Variants in PDE7B observed in about 807,000 individuals in gnomAD.
PDE7B encodes the protein phosphodiesterase 7B.
Under a neutral mutation model 56.2 loss-of-function variants are expected in PDE7B, and 29 were observed. That is an observed-to-expected ratio of 0.52 (90% CI 0.38 to 0.70). PDE7B has a LOEUF of 0.70. PDE7B is among the 30% of genes least tolerant of loss of function. PDE7B has a pLI of 0.00. For synonymous variants in PDE7B, 197 were observed against 196.9 expected, an observed-to-expected ratio of 1.00 and a Z score of 0.00; for missense variants, 490 against 565.0, an observed-to-expected ratio of 0.87 and a Z score of 1.35.
chr6:136,007,056 G>T (rs371635892), intron 2 of PDE7B, among the ~76,000 whole-genome samples: 1 of 152,054 alleles, frequency 6.6e-6, no homozygotes, highest in Non-Finnish European at 1.5e-5. Flanking sequence ...TGTCATAGAT[G>T]GTTCTAATTA....
intron 1 of PDE7B, among the ~76,000 whole-genome samples, chr6:135,906,538 A>G (rs536605742): frequency 6.6e-6 from 1 of 152,296 alleles, no homozygotes; most frequent in South Asian, 2.1e-4. Flanking sequence ...AATCTCACCT[A>G]CCAAGAATAG....
At chr6:136,009,292 G>T (rs1775845922) in intron 2 of PDE7B, among the ~76,000 whole-genome samples, 1 of 151,982 alleles carries the variant, frequency 6.6e-6, no homozygotes, top group Non-Finnish European at 1.5e-5. Context: ...TTGTTCTTTT[G>T]GCTTAGGATT....
rs965393318 is a variant in PDE7B at position 135,947,488 on chromosome 6, A to G, written c.46A>G (p.Asn16Asp). The change falls in exon 2 of 13, where the codon AAC becomes GAC. Residue 16 changes from asparagine (N) to aspartate (D), a missense_variant. By Grantham distance (23) the Asn-to-Asp change is conservative. Transcript: ENST00000308191. ...VERCGEILFE[N>D]PDQNAKCVCM... ...GAGGTGTGGCGAAATCTTGTTTGAGAACCCCGATCAGAATGCCAAATGTGT... is the reference window on the plus strand; with the variant it reads ...GAGGTGTGGCGAAATCTTGTTTGAGGACCCCGATCAGAATGCCAAATGTGT... 1.6e-5 allele frequency: 26 copies of G among 1,612,508 alleles called. No homozygotes were observed. Among genetic ancestry groups the G allele is most frequent in the Non-Finnish European group, 2.1e-5 (25 of 1,178,824 alleles).
chr6:136,154,060 C>G lies in PDE7B; in HGVS notation c.479-15C>G. 1 of 1,578,144 alleles carries G rather than the reference C, an allele frequency of 6.3e-7. No individual in the cohort carries two copies. The highest frequency in any genetic ancestry group is 1.1e-5 in the South Asian group (1 of 90,268). On this transcript the variant is annotated splice_polypyrimidine_tract_variant and intron_variant, in intron 6 of 12. Coordinates refer to ENST00000308191, the MANE Select transcript of PDE7B (RefSeq NM_018945.4). ...TTTGGGTTTTAGTTGATTGAGTTAT[C>G]TGTTTACCTCCCAGTCATGGTTCAA...
intron 2 of PDE7B, among the ~76,000 whole-genome samples, chr6:136,063,553 T>C (rs572687927): frequency 2.0e-5 from 3 of 152,298 alleles, no homozygotes; most frequent in Admixed American, 2.0e-4. Context: ...GATGAACCCA[T>C]CTTAATACAA....
chr6:136,117,562 G>T (rs1321819249), intron 3 of PDE7B, among the ~76,000 whole-genome samples: 1 of 152,154 alleles, frequency 6.6e-6, no homozygotes, highest in African/African-American at 2.4e-5. Context: ...TGGGGCATCT[G>T]GGTCCTTTAT....
intron 1 of PDE7B, among the ~76,000 whole-genome samples, chr6:135,925,351 ACTCT>A (rs1382978381): frequency 6.6e-6 from 1 of 152,152 alleles, no homozygotes; most frequent in South Asian, 2.1e-4. Context: ...GGCATACCTC[ACTCT>A]CTATCTCAGC....
Position 135,871,243 on chromosome 6 carries a change from G to A in PDE7B, c.21+19224G>A, listed in dbSNP as rs567720584. Among the ~76,000 whole-genome samples, 220 of 152,216 alleles carry A rather than the reference G, an allele frequency of 1.4e-3. 1 individual carries two copies. Among genetic ancestry groups the A allele is most frequent in the African/African-American group, 5.0e-3 (209 of 41,540 alleles). On this transcript the variant is annotated intron_variant, in intron 1 of 12. Coordinates refer to ENST00000308191, the MANE Select transcript of PDE7B (RefSeq NM_018945.4). ...TATTTTACTTTACATGAAGAGATGG[G>A]CATCTTCAATTTACAAAGTTGATTA...
intron 12 of PDE7B, among the ~76,000 whole-genome samples, chr6:136,187,686 A>G (rs1259064943): frequency 6.6e-6 from 1 of 152,242 alleles, no homozygotes; most frequent in African/African-American, 2.4e-5. Flanking sequence ...CTGTTGAAGT[A>G]TGATGCCAAT....
At chr6:135,958,966 T>G (rs182802650) in intron 2 of PDE7B, among the ~76,000 whole-genome samples, 1 of 152,290 alleles carries the variant, frequency 6.6e-6, no homozygotes, top group Admixed American at 6.5e-5. Flanking sequence ...GTGTAGAATT[T>G]TTTTGCCTAC....
chr6:135,931,783 C>T (rs1774294779), intron 1 of PDE7B, among the ~76,000 whole-genome samples: 1 of 152,078 alleles, frequency 6.6e-6, no homozygotes, highest in African/African-American at 2.4e-5. Context: ...GTTTAATACC[C>T]TTGGCAATAT....
At chr6:135,889,735 C>T (rs1206020861) in intron 1 of PDE7B, among the ~76,000 whole-genome samples, 1 of 145,976 alleles carries the variant, frequency 6.9e-6, no homozygotes, top group African/African-American at 2.6e-5. Flanking sequence ...GCCACCGCAC[C>T]CAGACGGTGC....
chr6:136,165,935 A>T (rs964783415), intron 8 of PDE7B, among the ~76,000 whole-genome samples: 1 of 152,212 alleles, frequency 6.6e-6, no homozygotes, highest in Non-Finnish European at 1.5e-5. Context: ...ATGAACAAAC[A>T]GGAGTCTCTG....
chr6:136,154,342 A>G (rs1203142153), intron 7 of PDE7B, among the ~76,000 whole-genome samples, 167 bp downstream of exon 7: 1 of 151,316 alleles, frequency 6.6e-6, no homozygotes, highest in Non-Finnish European at 1.5e-5. Flanking sequence ...AAATCTTACA[A>G]TGTTCACGAA....
chr6:135,994,841 A>G (rs1186316894), intron 2 of PDE7B, among the ~76,000 whole-genome samples: 1 of 152,228 alleles, frequency 6.6e-6, no homozygotes, highest in African/African-American at 2.4e-5. Context: ...CTCATTTTAA[A>G]AAATATTACT....
At position 136,025,274 on chromosome 6, in the gene PDE7B, T is replaced by C. The variant is rs576288771; in HGVS notation, c.82+77750T>C. Among the ~76,000 whole-genome samples, 7 of 152,244 alleles carry C rather than the reference T, an allele frequency of 4.6e-5. No homozygotes were observed. The South Asian group carries it at 1.4e-3, about 32-fold the overall frequency. ...AATGAATACCTGCACTCTTATAATA[T>C]CTTAAAAATGCAATACAGAATATAC... On this transcript the variant is annotated intron_variant, in intron 2 of 12. Transcript: ENST00000308191.
intron 1 of PDE7B, among the ~76,000 whole-genome samples, chr6:135,892,377 T>A (rs1775824416): frequency 6.6e-6 from 1 of 152,160 alleles, no homozygotes; most frequent in South Asian, 2.1e-4. Flanking sequence ...TATTAATAAA[T>A]CTTGACTCAC....
Position 135,961,281 on chromosome 6 carries a change from A to ATGTGTGTGTGTGTGTGTG in PDE7B, c.82+13773_82+13790dup, listed in dbSNP as rs771473679. 8.9e-5 allele frequency among the ~76,000 whole-genome samples: 8 copies of ATGTGTGTGTGTGTGTGTG among 89,396 alleles called. No homozygotes were observed. The East Asian group carries it at 1.2e-3, about 13-fold the overall frequency. The allele number at this position is 89,396 out of a possible 152,430, so 58.6% of individuals were successfully genotyped here. On this transcript the variant is annotated intron_variant, in intron 2 of 12. Coordinates refer to ENST00000308191, the MANE Select transcript of PDE7B (RefSeq NM_018945.4). ...TGTGTGTGTGTGTGTGTGTGTGTGT[A>ATGTGTGTGTGTGTGTGTG]TGTGTGTGTGTGTGTGTGTGTGTGT...
chr6:136,173,799 T>C lies in PDE7B; in HGVS notation c.714T>C (p.Asn238=). 1 of 1,596,592 alleles carries C rather than the reference T, an allele frequency of 6.3e-7. No homozygotes were observed. Among genetic ancestry groups the C allele is most frequent in the Non-Finnish European group, 8.6e-7 (1 of 1,164,556 alleles). ...TNHHLANLYQ[N]MSVLENHHWR... Reference sequence around the variant, plus strand: ...ACTCTTATTTTCTTTCTTTCTAGAATATGTCTGTGCTGGAGAATCATCACT... The same window carrying C: ...ACTCTTATTTTCTTTCTTTCTAGAACATGTCTGTGCTGGAGAATCATCACT... The change falls in exon 9 of 13, where the codon AAT becomes AAC. Residue 238 remains asparagine (N), a splice_region_variant and synonymous_variant. Coordinates refer to ENST00000308191, the MANE Select transcript of PDE7B (RefSeq NM_018945.4).
Sources: gnomAD v4.1 joint callset for allele counts (sites outside exome capture counted in the v4.1 genomes callset) on GRCh38, gnomAD v4.1.1 for gene constraint, MANE v1.5 for transcripts, NCBI Gene and HGNC (gene_info 2026-07-23, HGNC 2026-07-21) for gene names.